The following PGGHG variants were observed in gnomAD, a reference collection of about 807,000 sequenced individuals.
The protein encoded by PGGHG is protein-glucosylgalactosylhydroxylysine glucosidase.
In PGGHG, 67 loss-of-function variants were observed where a neutral mutation model predicts 74.5. The observed-to-expected ratio is 0.90, with a 90% CI of 0.74 to 1.10. The LOEUF (loss-of-function observed/expected upper bound fraction) is 1.10. Ranked by LOEUF, PGGHG falls within the 50% of genes least tolerant of loss-of-function variation. The pLI is 0.00. For missense variants in PGGHG, 1,034 were observed against 981.5 expected, an observed-to-expected ratio of 1.05 and a Z score of -0.72; for synonymous variants, 496 against 419.9, an observed-to-expected ratio of 1.18 and a Z score of -2.21.
Position 289,700 on chromosome 11 carries a change from G to A in PGGHG, c.-13-104G>A. On this transcript the variant is annotated intron_variant, in intron 1 of 13. Transcript: ENST00000409548. The surrounding 1 kb of genome is among the most constrained non-coding windows in gnomAD (Gnocchi z 5.6). ...AAATCGGGGCTGCCCAGCTGGTTCC[G>A]CAACTCCCCCCAGTTCTGAGGGAGG... 5.8e-6 allele frequency: 8 copies of A among 1,384,686 alleles called. No individual in the cohort carries two copies. The highest frequency in any genetic ancestry group is 6.7e-6 in the Non-Finnish European group (7 of 1,050,400). 85.8% of individuals were successfully genotyped at this position (1,384,686 alleles called of 1,614,324 possible).
In PGGHG at chr11:294,164, G is replaced by T. The variant is rs1266113643; in HGVS notation, c.1776G>T (p.Leu592=). 6.2e-7 allele frequency: 1 copy of T among 1,612,654 alleles called. No individual in the cohort carries two copies. The highest frequency in any genetic ancestry group is 1.7e-5 in the Admixed American group (1 of 59,838). ...TCCTGACAGGCATGGGGGGCTTCCT[G>T]CAGGCGGTGGTCTTCGGGTGCACGG... ...VNFLTGMGGF[L]QAVVFGCTGF... Residue 592 remains leucine (L), a synonymous_variant, in exon 12 of 14, where the codon CTG becomes CTT. Transcript: ENST00000409548.
At chr11:291,651 C>A in intron 4 of PGGHG, 1 of 313,112 alleles carries the variant, frequency 3.2e-6, no homozygotes, top group Non-Finnish European at 6.0e-6. Context: ...CCGCTGTGGC[C>A]GTTTCTTTGA....
At position 289,718 on chromosome 11, in the gene PGGHG, G is replaced by A; in HGVS notation, c.-13-86G>A. ...TGGTTCCGCAACTCCCCCCAGTTCT[G>A]AGGGAGGCTTCAGGGGATTACAGAC... is the stretch of plus-strand genomic sequence containing the variant. On this transcript the variant is annotated intron_variant, in intron 1 of 13. Coordinates refer to ENST00000409548, the MANE Select transcript of PGGHG (RefSeq NM_025092.5). The surrounding 1 kb of genome is among the most constrained non-coding windows in gnomAD (Gnocchi z 5.6). 1.3e-5 allele frequency: 19 copies of A among 1,433,624 alleles called. No individual in the cohort carries two copies. In the South Asian group the frequency reaches 2.6e-4, roughly 19 times the overall value. 88.8% of individuals were successfully genotyped at this position (1,433,624 alleles called of 1,614,324 possible).
chr11:292,075 G>A lies in PGGHG; in HGVS notation c.1006G>A (p.Ala336Thr), dbSNP rs375627650. 22 of 1,569,300 alleles carry A rather than the reference G, an allele frequency of 1.4e-5. No individual in the cohort carries two copies. Among genetic ancestry groups the A allele is most frequent in the Middle Eastern group, 3.3e-4 (2 of 6,004 alleles). Residue 336 changes from alanine to threonine, a missense_variant, in exon 5 of 14, where the codon GCC (alanine) becomes ACC (threonine). Coordinates refer to ENST00000409548, the MANE Select transcript of PGGHG (RefSeq NM_025092.5). ...CACGCTGGACGGGGCCCTGGAGAAC[G>A]CCCAGAACCTGGGCTACCAGGTGAG... The part of the protein sequence containing the change: ...IRTLDGALEN[A>T]QNLGYQGAKF...
chr11:290,659 C>CATGGCCACGCTCTCACAGGTACCTGT lies in PGGHG; in HGVS notation c.471-10_486dup. ...CCAGGGAGGGAGCTCATCCCTGAGG[C>CATGGCCACGCTCTCACAGGTACCTGT]ATGGCCACGCTCTCACAGGTACCTG... On this transcript the variant is annotated intron_variant, in intron 3 of 13. Coordinates refer to ENST00000409548, the MANE Select transcript of PGGHG (RefSeq NM_025092.5). The CATGGCCACGCTCTCACAGGTACCTGT allele has an allele frequency of 6.2e-7, 1 of 1,609,966 alleles. No homozygotes were observed. Among genetic ancestry groups the CATGGCCACGCTCTCACAGGTACCTGT allele is most frequent in the Non-Finnish European group, 8.5e-7 (1 of 1,178,150 alleles).
Position 293,154 on chromosome 11 carries a change from T to A in PGGHG, c.1271-9T>A, listed in dbSNP as rs779185127. The A allele has an allele frequency of 2.5e-6, 4 of 1,613,928 alleles. No individual in the cohort carries two copies. Among genetic ancestry groups the A allele is most frequent in the Non-Finnish European group, 2.5e-6 (3 of 1,179,994 alleles). On this transcript the variant is annotated splice_polypyrimidine_tract_variant and intron_variant, in intron 7 of 13. Coordinates refer to ENST00000409548, the MANE Select transcript of PGGHG (RefSeq NM_025092.5). ...TGCACTGAGCACCATCTTGGACTTG[T>A]GTGTCCAGGAGTCATGTCCCCCGAC...
chr11:291,076 G>A lies in PGGHG; in HGVS notation c.869G>A (p.Arg290His), dbSNP rs746357997. 21 of 1,602,614 alleles carry A rather than the reference G, an allele frequency of 1.3e-5. No homozygotes were observed. Among genetic ancestry groups the A allele is most frequent in the Middle Eastern group, 3.3e-4 (2 of 6,040 alleles). Reference protein sequence around the residue: ...LSPGGLSNGSREECYWGHVFW... With the variant: ...LSPGGLSNGSHEECYWGHVFW... The stretch of plus-strand genomic sequence containing the variant: ...CCTGGGGGCCTCTCCAATGGGAGCC[G>A]TGAGGAATGCTACTGGGGCCACGTC... The change falls in exon 4 of 14, where the codon CGT (arginine) becomes CAT (histidine). Residue 290 changes from arginine (R) to histidine (H), a missense_variant. Coordinates refer to ENST00000409548, the MANE Select transcript of PGGHG (RefSeq NM_025092.5).
At position 294,955 on chromosome 11, in the gene PGGHG, G is replaced by C. The variant is rs1277427623; in HGVS notation, c.*206G>C. ...CCCGTGGGCAGGTGGCTTCCCCGTG[G>C]CATCTCCACACCGCCTCTGCCTGCC... On this transcript the variant is annotated 3_prime_UTR_variant, in exon 14 of 14. Transcript: ENST00000409548. 1 of 558,218 alleles carries C rather than the reference G, an allele frequency of 1.8e-6. No homozygotes were observed. Among genetic ancestry groups the C allele is most frequent in the Non-Finnish European group, 3.0e-6 (1 of 328,424 alleles). 34.6% of individuals were successfully genotyped at this position (558,218 alleles called of 1,614,324 possible). A position where few individuals can be genotyped will look rare whatever the true frequency, so the allele number is the denominator to read the frequency against.
Position 293,246 on chromosome 11 carries a change from A to C in PGGHG, c.1343+11A>C, listed in dbSNP as rs1449860720. On this transcript the variant is annotated intron_variant, in intron 8 of 13. Coordinates refer to ENST00000409548, the MANE Select transcript of PGGHG (RefSeq NM_025092.5). ...CCTGGTCCAGAACAGGTCAGACACA[A>C]GATCCCCTCACCTCACCCCACCCCC... 1.2e-6 allele frequency: 2 copies of C among 1,611,588 alleles called. No individual in the cohort carries two copies. The highest frequency in any genetic ancestry group is 2.7e-5 in the African/African-American group (2 of 74,854).
At chr11:293,550 A>C (rs952573268) in intron 9 of PGGHG, 44 bp from the exon 10 acceptor site, 1 of 1,612,744 alleles carries the variant, frequency 6.2e-7, no homozygotes. Flanking sequence ...GAGACCCTCG[A>C]GTCTGTCCTG....
At chr11:293,322 G>C (rs1374836967) in intron 8 of PGGHG, 44 bp from the exon 9 acceptor site, 1 of 1,604,156 alleles carries the variant, frequency 6.2e-7, no homozygotes, top group African/African-American at 1.3e-5. Flanking sequence ...GCAGCAGCTG[G>C]AAGTGTAGGG....
intron 6 of PGGHG, 103 bp downstream of exon 6, chr11:292,780 C>T (rs1845764368): frequency 6.2e-7 from 1 of 1,606,422 alleles, no homozygotes; most frequent in Admixed American, 1.7e-5. Context: ...GGGAAGCTGG[C>T]TGAGGACAGG....
Position 294,580 on chromosome 11 carries a change from C to T in PGGHG, c.2045C>T (p.Ser682Leu), listed in dbSNP as rs774298540. 48 of 1,248,606 alleles carry T rather than the reference C, an allele frequency of 3.8e-5. No homozygotes were observed. The highest frequency in any genetic ancestry group is 7.6e-5 in the Admixed American group (3 of 39,360). The allele number at this position is 1,248,606 out of a possible 1,614,324, so 77.3% of individuals were successfully genotyped here. Residue 682 changes from serine to leucine, a missense_variant, in exon 14 of 14, where the codon TCG becomes TTG. Physicochemically the swap from Ser to Leu is moderately radical, Grantham distance 145. Coordinates refer to ENST00000409548, the MANE Select transcript of PGGHG (RefSeq NM_025092.5). ...LPGHKVSFPR[S>L]AGRIQMSPPK... is the part of the protein sequence containing the mutation. ...GGACACAAGGTCTCCTTTCCCCGCT[C>T]GGCTGGCCGGATACAAATGTCACCC... is the stretch of plus-strand genomic sequence containing the variant.
In PGGHG at chr11:290,713, C is replaced by T. The variant is rs778332421; in HGVS notation, c.506C>T (p.Pro169Leu). The T allele has an allele frequency of 4.4e-6, 7 of 1,604,046 alleles. No homozygotes were observed. Among genetic ancestry groups the T allele is most frequent in the African/African-American group, 1.3e-5 (1 of 74,890 alleles). Reference sequence around the variant, plus strand: ...GGCCACACCCTCACCCCTGAGCAGCCCGGGGGGCCACAGCAAGAGGTACAC... The same window carrying T: ...GGCCACACCCTCACCCCTGAGCAGCTCGGGGGGCCACAGCAAGAGGTACAC... The part of the protein sequence containing the change: ...LYGHTLTPEQ[P>L]GGPQQEVHML... Residue 169 changes from proline to leucine, a missense_variant, in exon 4 of 14, where the codon CCC (proline) becomes CTC (leucine). Physicochemically the swap from Pro to Leu is moderately conservative, Grantham distance 98 (BLOSUM62 -3). Transcript: ENST00000409548.
At chr11:293,548 C>G in intron 9 of PGGHG, 46 bp downstream of exon 9, 2 of 1,612,514 alleles carry the variant, frequency 1.2e-6, no homozygotes, top group Non-Finnish European at 8.5e-7. Context: ...TCGAGACCCT[C>G]GAGTCTGTCC....
chr11:294,485 C>A lies in PGGHG; in HGVS notation c.2020+7C>A. Reference sequence around the variant, plus strand: ...CGGCTCTCCCTGTTGCCAGGTAGAACAGCCCCCAACAGCCCAGGTGCCTGC... The same window carrying A: ...CGGCTCTCCCTGTTGCCAGGTAGAAAAGCCCCCAACAGCCCAGGTGCCTGC... On this transcript the variant is annotated splice_region_variant and intron_variant, in intron 13 of 13. Coordinates refer to ENST00000409548, the MANE Select transcript of PGGHG (RefSeq NM_025092.5). 1.6e-6 allele frequency: 1 copy of A among 616,370 alleles called. No individual in the cohort carries two copies. Among genetic ancestry groups the A allele is most frequent in the Non-Finnish European group, 2.1e-6 (1 of 472,184 alleles). The allele number at this position is 616,370 out of a possible 1,614,324, so 38.2% of individuals were successfully genotyped here. A position where few individuals can be genotyped will look rare whatever the true frequency, so the allele number is the denominator to read the frequency against.
Position 294,695 on chromosome 11 carries a change from C to G in PGGHG, c.2160C>G (p.Thr720=). 6.2e-7 allele frequency: 1 copy of G among 1,613,092 alleles called. No individual in the cohort carries two copies. The highest frequency in any genetic ancestry group is 1.3e-5 in the African/African-American group (1 of 74,986). The change falls in exon 14 of 14, where the codon ACC becomes ACG. Residue 720 remains threonine, a synonymous_variant. Transcript: ENST00000409548. ...RDPLQSPLWV[T]LGSSSPTESL... ...CGCTCCAGAGCCCCCTCTGGGTCAC[C>G]CTGGGTTCCTCCAGCCCCACCGAGT...
chr11:294,339 C>T lies in PGGHG; in HGVS notation c.1881C>T (p.Ile627=). The part of the protein sequence containing the change: ...SGISRVSVSG[I]FYQGNKLNFS... ...TCTCCAGAGTGAGCGTCTCCGGCAT[C>T]TTCTACCAGGGGAACAAGCTCAACT... Residue 627 remains isoleucine, a synonymous_variant, in exon 13 of 14, where the codon ATC becomes ATT. Transcript: ENST00000409548. 6.2e-7 allele frequency: 1 copy of T among 1,613,146 alleles called. No individual in the cohort carries two copies. The highest frequency in any genetic ancestry group is 1.3e-5 in the African/African-American group (1 of 75,032).
Position 294,568 on chromosome 11 carries a change from C to T in PGGHG, c.2033C>T (p.Ser678Phe), listed in dbSNP as rs1374772689. 1.2e-6 allele frequency: 2 copies of T among 1,609,920 alleles called. No homozygotes were observed. The highest frequency in any genetic ancestry group is 8.5e-7 in the Non-Finnish European group (1 of 1,177,662). The change falls in exon 14 of 14, where the codon TCC (serine) becomes TTC (phenylalanine). Residue 678 changes from serine (S) to phenylalanine (F), a missense_variant. Transcript: ENST00000409548. ...RLSLLPGHKV[S>F]FPRSAGRIQM... is the part of the protein sequence containing the mutation. ...TCTCTCCCTGCAGGACACAAGGTCT[C>T]CTTTCCCCGCTCGGCTGGCCGGATA... is the stretch of plus-strand genomic sequence containing the variant.
Sources: gnomAD v4.1 joint callset for allele counts on GRCh38, gnomAD v4.1.1 for gene constraint, Gnocchi (gnomAD v3.1) non-coding constraint, MANE v1.5 for transcripts, NCBI Gene and HGNC (gene_info 2026-07-23, HGNC 2026-07-21) for gene names.